PDSS2: variants seen among roughly 807,000 people sequenced by gnomAD.
PDSS2 encodes decaprenyl diphosphate synthase subunit 2.
PDSS2 carries 31 observed loss-of-function variants against 44.5 expected under a neutral mutation model. The observed-to-expected ratio is 0.70, with a 90% CI of 0.52 to 0.94. PDSS2 has a LOEUF of 0.94. Among genes scored for constraint, PDSS2 ranks in the 40% least tolerant of loss-of-function variants. The pLI is 0.00. For synonymous variants in PDSS2, 157 were observed against 180.3 expected (o/e 0.87, Z 1.03); for missense variants, 452 against 482.2 (o/e 0.94, Z 0.59).
At position 107,186,608 on chromosome 6, in the gene PDSS2, C is replaced by T. The variant is rs79803300; in HGVS notation, c.1041+7214G>A. Among the ~76,000 whole-genome samples the T allele has an allele frequency of 2.5e-3, 374 of 152,178 alleles. 11 individuals are homozygous for T. The East Asian group carries it at 0.058, about 23-fold the overall frequency. On this transcript the variant is annotated intron_variant, in intron 7 of 7. Coordinates refer to ENST00000369037, the MANE Select transcript of PDSS2 (RefSeq NM_020381.4). Reference sequence around the variant, plus strand: ...CCGCTCTCTAAGTTCCCTCCTTTCGCGCCCCCCTACCCCCCAACAGGCCCT... The same window carrying T: ...CCGCTCTCTAAGTTCCCTCCTTTCGTGCCCCCCTACCCCCCAACAGGCCCT...
chr6:107,165,077 T>C (rs1211143526), intron 7 of PDSS2, among the ~76,000 whole-genome samples: 2 of 152,340 alleles, frequency 1.3e-5, no homozygotes, highest in East Asian at 3.9e-4. Context: ...CTTTGTCAGA[T>C]GAGTAGATTG....
intron 3 of PDSS2, among the ~76,000 whole-genome samples, chr6:107,247,905 A>C (rs1774679656): frequency 6.6e-6 from 1 of 150,938 alleles, no homozygotes; most frequent in African/African-American, 2.4e-5. Flanking sequence ...TGTAATCCCA[A>C]TTACTCCGGA....
intron 2 of PDSS2, among the ~76,000 whole-genome samples, chr6:107,310,543 T>C (rs947921909): frequency 7.9e-5 from 12 of 152,172 alleles, no homozygotes; most frequent in Admixed American, 5.9e-4. Flanking sequence ...AACTGGTTTG[T>C]CCTTCCATCC....
At chr6:107,227,728 A>G (rs1422524694) in intron 4 of PDSS2, among the ~76,000 whole-genome samples, 1 of 152,206 alleles carries the variant, frequency 6.6e-6, no homozygotes, top group African/African-American at 2.4e-5. Flanking sequence ...ATTAAGGATG[A>G]CTTACAAGTT....
At chr6:107,421,879 T>C (rs988256568) in intron 1 of PDSS2, among the ~76,000 whole-genome samples, 2 of 151,644 alleles carry the variant, frequency 1.3e-5, no homozygotes, top group Admixed American at 6.6e-5. Flanking sequence ...ATAAGGTTTG[T>C]AGTTTAGTTG....
intron 2 of PDSS2, among the ~76,000 whole-genome samples, chr6:107,286,136 T>TAAATAAAAAAAAAA (rs568159749): frequency 7.0e-5 from 9 of 128,736 alleles, no homozygotes; most frequent in African/African-American, 2.2e-4. Flanking sequence ...CGTCGCAAAA[T>TAAATAAAAAAAAAA]AAAAAAAAAA....
At chr6:107,433,554 C>G (rs1288579856) in intron 1 of PDSS2, among the ~76,000 whole-genome samples, 2 of 152,204 alleles carry the variant, frequency 1.3e-5, no homozygotes, top group African/African-American at 4.8e-5. Context: ...GCTGGGAAAA[C>G]TGGATATCCA....
chr6:107,405,845 T>C (rs1420571805), intron 1 of PDSS2, among the ~76,000 whole-genome samples: 1 of 101,018 alleles, frequency 9.9e-6, no homozygotes, highest in Non-Finnish European at 1.8e-5. Flanking sequence ...AGACTCCGTC[T>C]CAAAAAAAAA....
chr6:107,349,340 GGA>G, intron 1 of PDSS2, among the ~76,000 whole-genome samples: 1 of 152,154 alleles, frequency 6.6e-6, no homozygotes. Context: ...GGCTGAGGCA[GGA>G]GAATGGCGTG....
intron 2 of PDSS2, among the ~76,000 whole-genome samples, chr6:107,285,244 T>C (rs1776101500): frequency 6.6e-6 from 1 of 152,148 alleles, no homozygotes; most frequent in Admixed American, 6.5e-5. Flanking sequence ...TATGTTCATA[T>C]GGGAAGAATA....
chr6:107,239,001 G>C (rs1337950694), intron 4 of PDSS2, among the ~76,000 whole-genome samples: 1 of 152,224 alleles, frequency 6.6e-6, no homozygotes, highest in East Asian at 1.9e-4. Flanking sequence ...AAACAGGCCA[G>C]GCACTGTGGC....
chr6:107,166,070 G>C (rs1771334654), intron 7 of PDSS2, among the ~76,000 whole-genome samples: 1 of 152,122 alleles, frequency 6.6e-6, no homozygotes, highest in South Asian at 2.1e-4. Flanking sequence ...TTTGGGCTGA[G>C]ACGATGGGGT....
chr6:107,221,491 G>C (rs1381177074), intron 4 of PDSS2, among the ~76,000 whole-genome samples: 2 of 150,980 alleles, frequency 1.3e-5, no homozygotes, highest in Non-Finnish European at 2.9e-5. Context: ...TTCCTGAAAG[G>C]TGATAGATGT....
chr6:107,278,992 G>C (rs1775876822), intron 2 of PDSS2, among the ~76,000 whole-genome samples: 1 of 152,208 alleles, frequency 6.6e-6, no homozygotes, highest in Non-Finnish European at 1.5e-5. Flanking sequence ...GGCTGAGGCA[G>C]GTGGACCACT....
intron 3 of PDSS2, among the ~76,000 whole-genome samples, chr6:107,259,882 T>C (rs927191742): frequency 3.9e-5 from 6 of 152,158 alleles, no homozygotes; most frequent in African/African-American, 1.2e-4. Flanking sequence ...AAAACTGTTA[T>C]TAGTAAACAG....
At chr6:107,308,067 C>G (rs779437360) in intron 2 of PDSS2, among the ~76,000 whole-genome samples, 3 of 152,102 alleles carry the variant, frequency 2.0e-5, no homozygotes, top group Non-Finnish European at 4.4e-5. Flanking sequence ...AAGATGAGCA[C>G]AACGTACTAA....
chr6:107,396,317 C>T (rs1216086167), intron 1 of PDSS2, among the ~76,000 whole-genome samples: 3 of 152,200 alleles, frequency 2.0e-5, no homozygotes, highest in Non-Finnish European at 4.4e-5. Context: ...CACCATTCAG[C>T]AATACCACAG....
intron 3 of PDSS2, among the ~76,000 whole-genome samples, chr6:107,268,948 T>TC (rs985762731): frequency 6.6e-6 from 1 of 151,876 alleles, no homozygotes; most frequent in African/African-American, 2.4e-5. Context: ...TAGTATTTTT[T>TC]TTTTTTTCCA....
Position 107,229,205 on chromosome 6 carries a change from G to T in PDSS2, c.702+16343C>A, listed in dbSNP as rs1773947098. On this transcript the variant is annotated intron_variant, in intron 4 of 7. Coordinates refer to ENST00000369037, the MANE Select transcript of PDSS2 (RefSeq NM_020381.4). ...TATTTCTGTTTGTTTTTAGTTTTTT[G>T]AGACGTTGTCTTCCTCTGTCGCCCA... Among the ~76,000 whole-genome samples, 4 of 151,966 alleles carry T rather than the reference G, an allele frequency of 2.6e-5. No individual in the cohort carries two copies. In the South Asian group the frequency reaches 8.3e-4, roughly 31 times the overall value.
Sources: allele counts gnomAD v4.1 joint callset (sites outside exome capture counted in the v4.1 genomes callset), GRCh38; gene constraint gnomAD v4.1.1; transcripts MANE v1.5; gene names NCBI Gene and HGNC (gene_info 2026-07-23, HGNC 2026-07-21).